CCDC93: variants seen among roughly 807,000 people sequenced by gnomAD.
The protein encoded by CCDC93 is CCC complex scaffolding subunit CCDC93, also known as coiled-coil domain-containing protein 93.
In CCDC93, 61 loss-of-function variants were observed where a neutral mutation model predicts 108.2. That is an observed-to-expected ratio of 0.56 (90% CI 0.46 to 0.70). CCDC93 has a LOEUF of 0.70. Among genes scored for constraint, CCDC93 ranks in the 30% least tolerant of loss-of-function variants. CCDC93 has a pLI of 0.00. For synonymous variants in CCDC93, 276 were observed against 260.4 expected, an observed-to-expected ratio of 1.06 and a Z score of -0.58; for missense variants, 685 against 764.2, an observed-to-expected ratio of 0.90 and a Z score of 1.22.
chr2:117,925,830 ACAC>A lies in CCDC93; in HGVS notation c.1842+5204_1842+5206del, dbSNP rs1388191417. Among the ~76,000 whole-genome samples the A allele has an allele frequency of 3.9e-5, 6 of 152,320 alleles. No individual in the cohort carries two copies. The South Asian group carries it at 1.0e-3, about 26-fold the overall frequency. On this transcript the variant is annotated intron_variant, in intron 23 of 23. Transcript: ENST00000376300. Reference sequence around the variant, plus strand: ...CAGAATATACATTCTTCTCAGCACCACACCACACCTATTCCAAAATTGACCACA... The same window carrying A: ...CAGAATATACATTCTTCTCAGCACCACACACCTATTCCAAAATTGACCACA...
Position 117,995,504 on chromosome 2 carries a change from T to G in CCDC93, c.463-2A>C. Reference sequence around the variant, plus strand: ...TTTTCTCTTTATGAAGTCATCATCCTACAAGACAAAACAGAGCGATTAAAC... The same window carrying G: ...TTTTCTCTTTATGAAGTCATCATCCGACAAGACAAAACAGAGCGATTAAAC... On this transcript the variant is annotated splice_acceptor_variant, in intron 5 of 23. Coordinates refer to ENST00000376300, the MANE Select transcript of CCDC93 (RefSeq NM_019044.5). LOFTEE classifies it high-confidence loss of function. 6.2e-7 allele frequency: 1 copy of G among 1,612,296 alleles called. No homozygotes were observed. Among genetic ancestry groups the G allele is most frequent in the Non-Finnish European group, 8.5e-7 (1 of 1,178,234 alleles).
At chr2:117,927,476 AC>A (rs1353141071) in intron 23 of CCDC93, among the ~76,000 whole-genome samples, 1 of 136,032 alleles carries the variant, frequency 7.4e-6, no homozygotes, top group African/African-American at 2.5e-5. Context: ...CCAATAACAG[AC>A]AGAGAGCCAA....
At chr2:117,934,705 T>C (rs1573467938) in intron 22 of CCDC93, 1 of 152,252 alleles carries the variant, frequency 6.6e-6, no homozygotes, top group East Asian at 1.9e-4. Flanking sequence ...TTCTTTCTCA[T>C]GTGTTTACAT....
chr2:117,941,232 C>T lies in CCDC93; in HGVS notation c.1479G>A (p.Glu493=), dbSNP rs753747011. The change falls in exon 19 of 24, where the codon GAG becomes GAA. Residue 493 remains glutamate, a synonymous_variant. Transcript: ENST00000376300. ...RKIDEVPSRA[E]LIQYQKRFIE... is the part of the protein sequence containing the mutation. ...TAAATCTCTTCTGATACTGTATTAG[C>T]TCGGCACGGCTAGGGACTTCATCAA... 9.9e-6 allele frequency: 16 copies of T among 1,613,916 alleles called. No individual in the cohort carries two copies. The Middle Eastern group carries it at 4.9e-4, about 50-fold the overall frequency.
intron 23 of CCDC93, among the ~76,000 whole-genome samples, chr2:117,922,212 G>A (rs574723823): frequency 1.3e-5 from 2 of 152,190 alleles, no homozygotes; most frequent in Non-Finnish European, 2.9e-5. Context: ...GGAACTGTGT[G>A]TGTCACAGAA....
intron 7 of CCDC93, among the ~76,000 whole-genome samples, chr2:117,979,868 G>A (rs754975538): frequency 7.9e-5 from 12 of 152,182 alleles, no homozygotes; most frequent in Non-Finnish European, 2.9e-5. Context: ...TGCACCTAGG[G>A]TTCTGAATAC....
At chr2:117,952,472 G>C in intron 12 of CCDC93, 37 bp from the exon 13 acceptor site, 1 of 1,396,398 alleles carries the variant, frequency 7.2e-7, no homozygotes, top group Non-Finnish European at 1.0e-6. Flanking sequence ...GCTCTCATTT[G>C]ATCCTTATGA....
In CCDC93 at chr2:117,965,446, G is replaced by T. The variant is rs868727283; in HGVS notation, c.889-6965C>A. 2.0e-5 allele frequency among the ~76,000 whole-genome samples: 3 copies of T among 152,220 alleles called. No individual in the cohort carries two copies. The Middle Eastern group carries it at 0.01, about 518-fold the overall frequency. On this transcript the variant is annotated intron_variant, in intron 11 of 23. Transcript: ENST00000376300. ...CTTTCTGGCCCAGGCAATGTCCCTG[G>T]GGTGTGGTATCTTCACTCAGTCCTA...
intron 17 of CCDC93, among the ~76,000 whole-genome samples, 164 bp downstream of exon 17, chr2:117,945,365 T>C (rs1037185641): frequency 5.3e-5 from 8 of 152,146 alleles, no homozygotes; most frequent in Admixed American, 2.0e-4. Flanking sequence ...CCTGCCTCCA[T>C]CTGAGGCCTA....
chr2:117,920,400 G>T lies in CCDC93; in HGVS notation c.1843-4C>A, dbSNP rs371759005. 302 of 1,611,322 alleles carry T rather than the reference G, an allele frequency of 1.9e-4. No homozygotes were observed. Among genetic ancestry groups the T allele is most frequent in the Admixed American group, 2.3e-4 (14 of 59,960 alleles). ...GCATCTCGTTCTTGCGGCCCTCCTG[G>T]AGGGAAAGCAGAGAGTATAGAGAGA... On this transcript the variant is annotated splice_polypyrimidine_tract_variant and splice_region_variant and intron_variant, in intron 23 of 23. Coordinates refer to ENST00000376300, the MANE Select transcript of CCDC93 (RefSeq NM_019044.5).
intron 18 of CCDC93, among the ~76,000 whole-genome samples, chr2:117,943,476 G>T (rs1678771056): frequency 6.6e-6 from 1 of 152,164 alleles, no homozygotes; most frequent in African/African-American, 2.4e-5. Flanking sequence ...AGGGGAAAGG[G>T]GCTCTCACTG....
chr2:117,972,867 ACAC>A (rs1679808146), intron 11 of CCDC93, among the ~76,000 whole-genome samples: 1 of 152,310 alleles, frequency 6.6e-6, no homozygotes, highest in Admixed American at 6.5e-5. Flanking sequence ...GAAAGACAGG[ACAC>A]TCTGGATTCT....
At position 117,975,287 on chromosome 2, in the gene CCDC93, G is replaced by A. The variant is rs557368209; in HGVS notation, c.658-7C>T. 23 of 1,608,618 alleles carry A rather than the reference G, an allele frequency of 1.4e-5. 1 individual carries two copies. Among genetic ancestry groups the A allele is most frequent in the Non-Finnish European group, 2.0e-5 (23 of 1,176,994 alleles). On this transcript the variant is annotated splice_polypyrimidine_tract_variant and splice_region_variant and intron_variant, in intron 8 of 23. Coordinates refer to ENST00000376300, the MANE Select transcript of CCDC93 (RefSeq NM_019044.5). ...CCGTTTTCTTGTCCTCAGCCTGCAA[G>A]GGAAGATGTGAAAACAGCTGAGCAC...
chr2:117,976,985 G>C (rs1679963107), intron 8 of CCDC93, among the ~76,000 whole-genome samples: 1 of 150,574 alleles, frequency 6.6e-6, no homozygotes, highest in African/African-American at 2.5e-5. Flanking sequence ...ACCCAGGCTG[G>C]AGTGCAGTGG....
At chr2:117,971,451 A>C (rs919132216) in intron 11 of CCDC93, among the ~76,000 whole-genome samples, 2 of 152,202 alleles carry the variant, frequency 1.3e-5, no homozygotes, top group Admixed American at 6.5e-5. Context: ...GAAAATATTT[A>C]GGATGTGATC....
intron 22 of CCDC93, 97 bp from the exon 23 acceptor site, chr2:117,931,247 G>T: frequency 1.3e-6 from 1 of 786,094 alleles, no homozygotes; most frequent in South Asian, 1.6e-5. Context: ...CAGTTTCATG[G>T]ATTTCCTTAC....
chr2:117,973,189 A>C (rs1217498817), intron 11 of CCDC93, among the ~76,000 whole-genome samples: 1 of 152,190 alleles, frequency 6.6e-6, no homozygotes, highest in Non-Finnish European at 1.5e-5. Context: ...GGGCAGAGCT[A>C]ATTTGTAGTA....
chr2:117,984,553 T>C (rs1007851625), intron 7 of CCDC93, among the ~76,000 whole-genome samples: 1 of 152,198 alleles, frequency 6.6e-6, no homozygotes, highest in African/African-American at 2.4e-5. Context: ...AGAATACTGA[T>C]CTAGAATTCT....
chr2:117,919,974 C>G lies in CCDC93; in HGVS notation c.*369G>C, dbSNP rs1677805318. Reference sequence around the variant, plus strand: ...TGAATCTTCCTCAGTGCTTATTTCTCAGTGGTTGCTGAACTAATACTTGCT... The same window carrying G: ...TGAATCTTCCTCAGTGCTTATTTCTGAGTGGTTGCTGAACTAATACTTGCT... On this transcript the variant is annotated 3_prime_UTR_variant, in exon 24 of 24. Transcript: ENST00000376300. 1 of 163,946 alleles carries G rather than the reference C, an allele frequency of 6.1e-6. No homozygotes were observed. The highest frequency in any genetic ancestry group is 1.3e-5 in the Non-Finnish European group (1 of 75,260). The allele number at this position is 163,946 out of a possible 1,614,324, so 10.2% of individuals were successfully genotyped here. A position where few individuals can be genotyped will look rare whatever the true frequency, so the allele number is the denominator to read the frequency against.
Sources: gnomAD v4.1 joint callset for allele counts (sites outside exome capture counted in the v4.1 genomes callset) on GRCh38, gnomAD v4.1.1 for gene constraint, MANE v1.5 for transcripts, NCBI Gene and HGNC (gene_info 2026-07-23, HGNC 2026-07-21) for gene names.